Variants in NPAS3 observed in about 807,000 individuals in gnomAD.
NPAS3 encodes neuronal PAS domain-containing protein 3.
In NPAS3, 14 loss-of-function variants were observed where a neutral mutation model predicts 73.1. That is an observed-to-expected ratio of 0.19 (90% confidence interval 0.13 to 0.30). The LOEUF is 0.30. Among genes scored for constraint, NPAS3 ranks in the 10% least tolerant of loss-of-function variants. The probability of loss-of-function intolerance (pLI) is 1.00; values close to 1 mark genes in which losing one functional copy is unlikely to be tolerated. For missense variants in NPAS3, 1,096 were observed against 1,250.0 expected, an observed-to-expected ratio of 0.88 and a Z score of 1.86; for synonymous variants, 620 against 541.5, an observed-to-expected ratio of 1.14 and a Z score of -2.01.
chr14:33,224,681 G>A (rs1372533241), intron 3 of NPAS3, among the ~76,000 whole-genome samples: 3 of 151,906 alleles, frequency 2.0e-5, no homozygotes, highest in African/African-American at 7.3e-5. Flanking sequence ...CGCTACTTAC[G>A]ATTGGAATCC....
chr14:33,493,464 G>A (rs774347064), intron 4 of NPAS3, among the ~76,000 whole-genome samples: 6 of 151,958 alleles, frequency 3.9e-5, no homozygotes, highest in East Asian at 1.9e-4. Context: ...TCAGTTCAAC[G>A]ACAGGCAGAA....
intron 3 of NPAS3, among the ~76,000 whole-genome samples, chr14:33,305,426 T>C (rs1388349257): frequency 2.6e-5 from 4 of 152,102 alleles, no homozygotes; most frequent in Non-Finnish European, 4.4e-5. Flanking sequence ...ATTCTCACCT[T>C]GCAAAGGGTG....
intron 4 of NPAS3, among the ~76,000 whole-genome samples, chr14:33,469,812 A>T (rs2050701869): frequency 6.6e-6 from 1 of 152,186 alleles, no homozygotes. Flanking sequence ...GATGTATGTT[A>T]TGATTATCTG....
At chr14:33,343,774 G>C (rs369143395) in intron 3 of NPAS3, among the ~76,000 whole-genome samples, 1 of 152,168 alleles carries the variant, frequency 6.6e-6, no homozygotes, top group Non-Finnish European at 1.5e-5. Context: ...AAGCAATACC[G>C]TGATGGAATT....
intron 3 of NPAS3, among the ~76,000 whole-genome samples, chr14:33,298,009 C>T (rs891507733): frequency 1.3e-5 from 2 of 152,086 alleles, no homozygotes; most frequent in East Asian, 1.9e-4. Context: ...AGGCCAGGTG[C>T]GGTGGCGCAC....
Position 33,714,328 on chromosome 14 carries a change from C to T in NPAS3, c.734-20886C>T, listed in dbSNP as rs1031702475. Reference sequence around the variant, plus strand: ...CATTTTTTTTCTTTCTCCTCCCACCCGTCACTCTCCTACTGTAACTTCAAA... The same window carrying T: ...CATTTTTTTTCTTTCTCCTCCCACCTGTCACTCTCCTACTGTAACTTCAAA... On this transcript the variant is annotated intron_variant, in intron 6 of 11. Coordinates refer to ENST00000356141, the Ensembl canonical transcript of NPAS3. Among the ~76,000 whole-genome samples, 56 of 151,818 alleles carry T rather than the reference C, an allele frequency of 3.7e-4. 1 individual carries two copies. Among genetic ancestry groups the T allele is most frequent in the African/African-American group, 1.3e-3 (54 of 41,318 alleles).
chr14:33,171,678 C>T (rs1321066006), intron 2 of NPAS3, among the ~76,000 whole-genome samples: 1 of 152,322 alleles, frequency 6.6e-6, no homozygotes, highest in East Asian at 1.9e-4. Context: ...CAATAAGCCT[C>T]TTTTCACTTT....
rs117248737 is a variant in NPAS3, at chr14:32,991,957, G to A, written c.50+52591G>A. 1.1e-3 allele frequency among the ~76,000 whole-genome samples: 174 copies of A among 152,266 alleles called. 2 individuals are homozygous for A. In the East Asian group the frequency reaches 0.033, roughly 29 times the overall value. Reference sequence around the variant, plus strand: ...ATAAAACCAGAATGCCAAATTATTCGCTTACCATTAGAAATACAATCACAC... The same window carrying A: ...ATAAAACCAGAATGCCAAATTATTCACTTACCATTAGAAATACAATCACAC... On this transcript the variant is annotated intron_variant, in intron 1 of 11. Transcript: ENST00000356141.
At chr14:32,938,953 T>A (rs1167061115), upstream of NPAS3, among the ~76,000 whole-genome samples, 1 of 144,216 alleles carries the variant, frequency 6.9e-6, no homozygotes, top group Non-Finnish European at 1.5e-5. Context: ...CTGCGGCGCA[T>A]GGACGGCGGC....
intron 1 of NPAS3, among the ~76,000 whole-genome samples, chr14:32,951,246 T>A (rs527533720): frequency 1.1e-3 from 165 of 152,228 alleles, no homozygotes; most frequent in Non-Finnish European, 1.8e-3. Context: ...ATTATGTGAT[T>A]TGAATTATGT....
chr14:32,959,559 C>G (rs940599239), intron 1 of NPAS3, among the ~76,000 whole-genome samples: 1 of 152,140 alleles, frequency 6.6e-6, no homozygotes, highest in African/African-American at 2.4e-5. Context: ...AACTTCTTTT[C>G]TTTCATGAAA....
chr14:33,213,489 A>G (rs2047111746), intron 2 of NPAS3, among the ~76,000 whole-genome samples: 1 of 152,208 alleles, frequency 6.6e-6, no homozygotes. Flanking sequence ...TCCTAGTTAT[A>G]CTTACGCTTT....
chr14:33,582,312 T>C (rs2056696468), intron 5 of NPAS3: 1 of 152,218 alleles, frequency 6.6e-6, no homozygotes, highest in African/African-American at 2.4e-5. Flanking sequence ...ATTTTCATAA[T>C]GTCTGCTCTA....
At chr14:33,444,261 A>T (rs1450403623) in intron 4 of NPAS3, among the ~76,000 whole-genome samples, 1 of 152,150 alleles carries the variant, frequency 6.6e-6, no homozygotes, top group Non-Finnish European at 1.5e-5. Context: ...AACTTTGTTT[A>T]AGGTTCTTGT....
chr14:33,768,066 A>G (rs1055950906), intron 7 of NPAS3, among the ~76,000 whole-genome samples: 2 of 152,188 alleles, frequency 1.3e-5, no homozygotes, highest in African/African-American at 4.8e-5. Context: ...AGAAAAATAA[A>G]AGTCAAACAA....
rs576671538 is a variant in NPAS3, at chr14:33,384,327, GTTTAT to G, written c.468+17064_468+17068del. Among the ~76,000 whole-genome samples, 296 of 151,476 alleles carry G rather than the reference GTTTAT, an allele frequency of 2.0e-3. 2 individuals are homozygous for G. In the South Asian group the frequency reaches 0.03, roughly 15 times the overall value. On this transcript the variant is annotated intron_variant, in intron 4 of 11. Coordinates refer to ENST00000356141, the Ensembl canonical transcript of NPAS3. ...AAAATGGACGGATTTTGAGATTTTA[GTTTAT>G]TTTAAGATTAAATCATTTTAAAGTA...
At chr14:33,462,436 TG>T (rs1182224737) in intron 4 of NPAS3, among the ~76,000 whole-genome samples, 20 of 152,114 alleles carry the variant, frequency 1.3e-4, no homozygotes, top group Non-Finnish European at 2.9e-5. Context: ...GGAAATGACA[TG>T]TTTCCTACAA....
chr14:32,935,042 C>T (rs759892776), upstream of NPAS3: 1 of 1,227,196 alleles, frequency 8.1e-7, no homozygotes, highest in Non-Finnish European at 1.0e-6. Context: ...TGCCCCCGCC[C>T]CGGGGTGCTG....
In NPAS3 at chr14:33,063,876, G is replaced by A. The variant is rs150510503; in HGVS notation, c.140+7882G>A. Among the ~76,000 whole-genome samples the A allele has an allele frequency of 1.9e-3, 291 of 152,224 alleles. 1 individual carries two copies. In the South Asian group the frequency reaches 0.02, roughly 10 times the overall value. On this transcript the variant is annotated intron_variant, in intron 2 of 11. Transcript: ENST00000356141. ...AACTTACTATAGAACTGTTAACCTC[G>A]CAGAATTAGTATCTGCAAAATGGAA...
Sources: allele counts gnomAD v4.1 joint callset (sites outside exome capture counted in the v4.1 genomes callset), GRCh38; gene constraint gnomAD v4.1.1; transcripts MANE v1.5; gene names NCBI Gene and HGNC (gene_info 2026-07-23, HGNC 2026-07-21).